Variants in CRYM observed in about 807,000 individuals in gnomAD.
The protein encoded by CRYM is ketimine reductase mu-crystallin.
Under a neutral mutation model 32.9 loss-of-function variants are expected in CRYM, and 18 were observed. That is an observed-to-expected ratio of 0.55 (90% CI 0.38 to 0.81). CRYM has a LOEUF of 0.81. Ranked by LOEUF, CRYM falls within the 30% of genes least tolerant of loss-of-function variation. The pLI is 0.00. For synonymous variants in CRYM, 153 were observed against 152.4 expected (o/e 1.00, Z -0.03); for missense variants, 337 against 393.5 (o/e 0.86, Z 1.21).
At chr16:21,298,362 C>T (rs1460712698) in intron 1 of CRYM, among the ~76,000 whole-genome samples, 2 of 152,184 alleles carry the variant, frequency 1.3e-5, no homozygotes, top group African/African-American at 4.8e-5. Context: ...AAGTTATATT[C>T]ACAAAAGTCA....
intron 3 of CRYM, among the ~76,000 whole-genome samples, chr16:21,272,238 G>T (rs72782841): frequency 2.0e-5 from 3 of 152,184 alleles, no homozygotes; most frequent in Non-Finnish European, 4.4e-5. Flanking sequence ...AAGCATGCAG[G>T]TTATTAAGTA....
At chr16:21,299,645 T>A (rs1960862441) in intron 1 of CRYM, among the ~76,000 whole-genome samples, 1 of 152,188 alleles carries the variant, frequency 6.6e-6, no homozygotes, top group Non-Finnish European at 1.5e-5. Flanking sequence ...TGTTTTACAT[T>A]GGGCAGGTGA....
chr16:21,261,860 A>G (rs2093355119), intron 6 of CRYM, 177 bp downstream of exon 6: 1 of 676,690 alleles, frequency 1.5e-6, no homozygotes. Flanking sequence ...TAATGCCCAT[A>G]TTTTTCTGGA....
Position 21,266,963 on chromosome 16 carries a change from C to T in CRYM, c.673+591G>A, listed in dbSNP as rs372608393. 5.9e-4 allele frequency among the ~76,000 whole-genome samples: 89 copies of T among 151,442 alleles called. 1 individual carries two copies. The South Asian group carries it at 0.016, about 28-fold the overall frequency. ...CAGAGGTTGCAGTGAGCTGAGATCT[C>T]GCCACTGCACTCCAGCCTGAGCGAC... On this transcript the variant is annotated intron_variant, in intron 5 of 7. Transcript: ENST00000572914.
intron 1 of CRYM, among the ~76,000 whole-genome samples, chr16:21,295,687 C>T (rs557360340): frequency 2.6e-5 from 4 of 152,316 alleles, no homozygotes; most frequent in Admixed American, 6.5e-5. Context: ...AATCTCAGCA[C>T]TTTGGGAGGC....
At chr16:21,270,323 G>A (rs926622288) in intron 3 of CRYM, among the ~76,000 whole-genome samples, 7 of 151,076 alleles carry the variant, frequency 4.6e-5, no homozygotes, top group South Asian at 2.1e-4. Context: ...TCGCTCTGTC[G>A]CCTAGGCTGG....
At chr16:21,261,379 G>A (rs201643441) in intron 6 of CRYM, 41 bp from the exon 7 acceptor site, 2 of 1,547,318 alleles carry the variant, frequency 1.3e-6, no homozygotes, top group African/African-American at 1.4e-5. Flanking sequence ...TGAAGCTAAA[G>A]TCTGTGCAGG....
intron 7 of CRYM, among the ~76,000 whole-genome samples, chr16:21,260,730 G>A (rs998418754): frequency 6.6e-6 from 1 of 152,218 alleles, no homozygotes; most frequent in Non-Finnish European, 1.5e-5. Context: ...TCAGGTGGTA[G>A]GGGGCTCCCC....
chr16:21,270,432 C>T (rs150829571), intron 3 of CRYM, among the ~76,000 whole-genome samples: 21 of 151,984 alleles, frequency 1.4e-4, no homozygotes, highest in South Asian at 4.2e-4. Context: ...TATAGGTGTG[C>T]GCCACAACAC....
At chr16:21,263,585 T>C (rs1406606666) in intron 5 of CRYM, among the ~76,000 whole-genome samples, 1 of 152,072 alleles carries the variant, frequency 6.6e-6, no homozygotes, top group African/African-American at 2.4e-5. Context: ...AAAAACTCAG[T>C]GTCAGGGTCA....
chr16:21,259,747 C>T (rs145086494), intron 7 of CRYM, among the ~76,000 whole-genome samples: 3 of 152,328 alleles, frequency 2.0e-5, no homozygotes, highest in Non-Finnish European at 4.4e-5. Flanking sequence ...AATGCTGCAT[C>T]CTTTGATATC....
At chr16:21,294,861 A>AT (rs1489251144) in intron 1 of CRYM, among the ~76,000 whole-genome samples, 6 of 151,198 alleles carry the variant, frequency 4.0e-5, no homozygotes, top group African/African-American at 9.7e-5. Context: ...CGCCCAGCTA[A>AT]TTTTTTTGTA....
intron 3 of CRYM, among the ~76,000 whole-genome samples, chr16:21,274,415 C>T (rs2093382040): frequency 6.6e-6 from 1 of 151,796 alleles, no homozygotes; most frequent in African/African-American, 2.4e-5. Context: ...TTCTCCAATA[C>T]TCTCACTTCT....
At position 21,294,364 on chromosome 16, in the gene CRYM, C is replaced by T. The variant is rs542543899; in HGVS notation, c.-193+8614G>A. 1.1e-4 allele frequency among the ~76,000 whole-genome samples: 17 copies of T among 152,170 alleles called. No individual in the cohort carries two copies. The South Asian group carries it at 2.5e-3, about 22-fold the overall frequency. ...ATTTTTTTAAATTTACTTTAAGTTC[C>T]GGGATACATGTGCAGAATGTGCAGG... On this transcript the variant is annotated intron_variant, in intron 1 of 9. Transcript: ENST00000219599.
chr16:21,268,841 C>T (rs1315640936), intron 4 of CRYM, among the ~76,000 whole-genome samples: 1 of 152,058 alleles, frequency 6.6e-6, no homozygotes, highest in African/African-American at 2.4e-5. Context: ...TTGTTTTCTT[C>T]CTTGTATTAA....
At chr16:21,301,420 A>C (rs975664004) in intron 1 of CRYM, 2 of 138,304 alleles carry the variant, frequency 1.4e-5, no homozygotes, top group African/African-American at 2.6e-5. Flanking sequence ...GGGTGTGCGC[A>C]TGGGACGAGG....
upstream of CRYM, chr16:21,278,993 A>G (rs1367301523): frequency 1.3e-5 from 2 of 152,280 alleles, no homozygotes; most frequent in Non-Finnish European, 2.9e-5. Flanking sequence ...GAAAGGAATG[A>G]TGTAAAGCTT....
At chr16:21,297,853 C>G (rs112158400) in intron 1 of CRYM, among the ~76,000 whole-genome samples, 4 of 152,266 alleles carry the variant, frequency 2.6e-5, no homozygotes, top group African/African-American at 9.6e-5. Context: ...GATTGGCTAA[C>G]AAGCAAAATC....
intron 5 of CRYM, among the ~76,000 whole-genome samples, chr16:21,266,078 T>G (rs1438311820): frequency 6.6e-6 from 1 of 151,952 alleles, no homozygotes; most frequent in Non-Finnish European, 1.5e-5. Flanking sequence ...ACAAAAAAAT[T>G]AGCTGGCATG....
Sources: allele counts gnomAD v4.1 joint callset (sites outside exome capture counted in the v4.1 genomes callset), GRCh38; gene constraint gnomAD v4.1.1; transcripts MANE v1.5; gene names NCBI Gene and HGNC (gene_info 2026-07-23, HGNC 2026-07-21).